PRKN: variants seen among roughly 807,000 people sequenced by gnomAD.
The protein encoded by PRKN is parkin RBR E3 ubiquitin protein ligase, also known as E3 ubiquitin-protein ligase parkin.
Under a neutral mutation model 59.5 loss-of-function variants are expected in PRKN, and 56 were observed. The ratio of observed to expected loss-of-function variants is 0.94; its 90% CI spans 0.76 to 1.18. PRKN has a LOEUF of 1.18. Ranked by LOEUF, PRKN falls within the 50% of genes most tolerant of loss-of-function variation. The pLI, the probability that PRKN is intolerant of heterozygous loss-of-function variation, is 0.00. For synonymous variants in PRKN, 250 were observed against 222.1 expected, an observed-to-expected ratio of 1.13 and a Z score of -1.12; for missense variants, 657 against 596.4, an observed-to-expected ratio of 1.10 and a Z score of -1.06.
At chr6:162,503,703 G>A (rs909138385) in intron 1 of PRKN, among the ~76,000 whole-genome samples, 8 of 152,126 alleles carry the variant, frequency 5.3e-5, no homozygotes, top group Admixed American at 3.3e-4. Flanking sequence ...TTATCTAAAC[G>A]TAAATTAAGT....
In PRKN at chr6:161,398,030, A is replaced by G. The variant is rs78181407; in HGVS notation, c.1084-11153T>C. Among the ~76,000 whole-genome samples the G allele has an allele frequency of 9.9e-5, 15 of 152,274 alleles. No homozygotes were observed. In the East Asian group the frequency reaches 2.9e-3, roughly 29 times the overall value. ...CTAGCCAGAGAGGGGGCAGGATGGG[A>G]GTGAAGTCCCAGAGAAAGTCGAGGC... On this transcript the variant is annotated intron_variant, in intron 9 of 11. Transcript: ENST00000366898.
chr6:162,063,621 T>A (rs1443573540), intron 4 of PRKN, among the ~76,000 whole-genome samples: 1 of 56,974 alleles, frequency 1.8e-5, no homozygotes, highest in Non-Finnish European at 4.6e-5. Flanking sequence ...CTCCGCTCAC[T>A]GCAAACTCTG....
chr6:161,760,507 A>G (rs919883450), intron 7 of PRKN, among the ~76,000 whole-genome samples: 19 of 151,588 alleles, frequency 1.3e-4, no homozygotes, highest in African/African-American at 4.1e-4. Flanking sequence ...AGTGGGGAGG[A>G]GCCTGGCCCC....
At chr6:162,195,900 A>G (rs1784471790) in intron 4 of PRKN, among the ~76,000 whole-genome samples, 1 of 152,252 alleles carries the variant, frequency 6.6e-6, no homozygotes, top group South Asian at 2.1e-4. Flanking sequence ...AAATATTTCA[A>G]GACCAGATGC....
chr6:161,986,256 C>A (rs1431542806), intron 5 of PRKN, among the ~76,000 whole-genome samples: 1 of 152,238 alleles, frequency 6.6e-6, no homozygotes, highest in East Asian at 1.9e-4. Context: ...TGCAGGGTAG[C>A]CCTGCTCTGC....
At chr6:162,474,873 G>A (rs4709625) in intron 1 of PRKN, among the ~76,000 whole-genome samples, 47,198 of 151,780 alleles carry the variant, frequency 0.31, 7,584 homozygotes, top group East Asian at 0.49. Flanking sequence ...CCAGAAGTCC[G>A]ATGTAGCAAA....
At chr6:162,293,920 C>T (rs575555572) in intron 2 of PRKN, among the ~76,000 whole-genome samples, 7 of 152,188 alleles carry the variant, frequency 4.6e-5, no homozygotes, top group South Asian at 2.1e-4. Context: ...CATTGTGATC[C>T]GTCCGCCTCG....
intron 6 of PRKN, among the ~76,000 whole-genome samples, chr6:161,826,040 C>A (rs1792230483): frequency 6.6e-6 from 1 of 152,164 alleles, no homozygotes; most frequent in African/African-American, 2.4e-5. Flanking sequence ...CTCACTCTTG[C>A]CCCAAGCTCT....
At chr6:161,924,328 G>A (rs1452235578) in intron 6 of PRKN, among the ~76,000 whole-genome samples, 1 of 152,120 alleles carries the variant, frequency 6.6e-6, no homozygotes, top group Non-Finnish European at 1.5e-5. Flanking sequence ...GGCCCAGACT[G>A]TGTGCTTAGG....
intron 4 of PRKN, among the ~76,000 whole-genome samples, chr6:162,164,751 T>A (rs1782907101): frequency 6.7e-6 from 1 of 149,166 alleles, no homozygotes; most frequent in African/African-American, 2.5e-5. Flanking sequence ...TTTTATTTTT[T>A]AAATTAAAAT....
chr6:161,541,518 T>C (rs1236085779), intron 9 of PRKN, among the ~76,000 whole-genome samples: 2 of 152,188 alleles, frequency 1.3e-5, no homozygotes, highest in Non-Finnish European at 2.9e-5. Context: ...GATCTTACGA[T>C]TTTGAAAGAG....
At chr6:161,629,550 C>A (rs1288373906) in intron 7 of PRKN, among the ~76,000 whole-genome samples, 1 of 152,162 alleles carries the variant, frequency 6.6e-6, no homozygotes, top group African/African-American at 2.4e-5. Context: ...GTCAGATTAT[C>A]CAGTGGTCAC....
chr6:162,252,532 A>C (rs1779476917), intron 3 of PRKN, among the ~76,000 whole-genome samples: 1 of 152,208 alleles, frequency 6.6e-6, no homozygotes, highest in Admixed American at 6.5e-5. Context: ...TTCAGACATA[A>C]GAAATTTGGA....
At chr6:161,799,053 T>C (rs961643625) in intron 6 of PRKN, among the ~76,000 whole-genome samples, 1 of 152,220 alleles carries the variant, frequency 6.6e-6, no homozygotes, top group South Asian at 2.1e-4. Flanking sequence ...TAAAGTTTTA[T>C]TGGAAGCCAG....
intron 1 of PRKN, among the ~76,000 whole-genome samples, chr6:162,464,373 T>A (rs1323918916): frequency 5.9e-5 from 9 of 152,176 alleles, no homozygotes; most frequent in Non-Finnish European, 1.2e-4. Context: ...TTTCATTCAC[T>A]TTTCTAAGGT....
intron 2 of PRKN, among the ~76,000 whole-genome samples, chr6:162,278,489 C>A (rs1203631845): frequency 6.6e-6 from 1 of 151,980 alleles, no homozygotes; most frequent in Non-Finnish European, 1.5e-5. Context: ...AAAAAATGTA[C>A]CGCTCTGGTG....
intron 1 of PRKN, among the ~76,000 whole-genome samples, chr6:162,466,936 G>A (rs945603982): frequency 3.9e-5 from 6 of 152,002 alleles, no homozygotes; most frequent in African/African-American, 9.7e-5. Context: ...TAAGCAGCTG[G>A]TAAGTCATCT....
At chr6:162,522,277 C>T (rs546498460) in intron 1 of PRKN, among the ~76,000 whole-genome samples, 1 of 152,178 alleles carries the variant, frequency 6.6e-6, no homozygotes, top group South Asian at 2.1e-4. Flanking sequence ...GCTCAGACAA[C>T]CATGCCCGGC....
chr6:162,195,823 T>C (rs1253395669), intron 4 of PRKN, among the ~76,000 whole-genome samples: 1 of 152,198 alleles, frequency 6.6e-6, no homozygotes, highest in Non-Finnish European at 1.5e-5. Context: ...CTAGAGTTTG[T>C]CCTGGAGGGA....
Sources: gnomAD v4.1 joint callset for allele counts (sites outside exome capture counted in the v4.1 genomes callset) on GRCh38, gnomAD v4.1.1 for gene constraint, MANE v1.5 for transcripts, NCBI Gene and HGNC (gene_info 2026-07-23, HGNC 2026-07-21) for gene names.